The following CLIP1 variants were observed in gnomAD, a reference collection of about 807,000 sequenced individuals.
The protein encoded by CLIP1 is CAP-Gly domain-containing linker protein 1.
In CLIP1, 66 loss-of-function variants were observed where a neutral mutation model predicts 161.6. The ratio of observed to expected loss-of-function variants is 0.41; its 90% CI spans 0.33 to 0.50. The LOEUF is 0.50. CLIP1 is among the 20% of genes least tolerant of loss of function. CLIP1 has a pLI of 0.27. For missense variants in CLIP1, 1,376 were observed against 1,702.0 expected, an observed-to-expected ratio of 0.81 and a Z score of 3.37; for synonymous variants, 598 against 626.2, an observed-to-expected ratio of 0.96 and a Z score of 0.67.
intron 20 of CLIP1, among the ~76,000 whole-genome samples, chr12:122,294,083 C>G (rs1450247571): frequency 1.3e-5 from 2 of 151,854 alleles, no homozygotes; most frequent in African/African-American, 2.4e-5. Flanking sequence ...AATCCCAGCA[C>G]TTTGGGAGGC....
intron 20 of CLIP1, among the ~76,000 whole-genome samples, chr12:122,290,515 CTGTT>C (rs1487418252): frequency 5.9e-5 from 9 of 152,080 alleles, no homozygotes; most frequent in African/African-American, 9.7e-5. Context: ...AAGAAGGAAT[CTGTT>C]TTAGTTTTAT....
intron 19 of CLIP1, among the ~76,000 whole-genome samples, chr12:122,315,987 T>A (rs184865744): frequency 1.4e-3 from 219 of 152,060 alleles, no homozygotes; most frequent in African/African-American, 4.8e-3. Flanking sequence ...AGTGACATGC[T>A]ATTTGATTTT....
chr12:122,365,478 A>C (rs1954096958), intron 3 of CLIP1: 3 of 789,958 alleles, frequency 3.8e-6, no homozygotes, highest in African/African-American at 1.7e-5. Flanking sequence ...AAACGCGTGA[A>C]GGAAAATGAT....
chr12:122,394,013 CT>C (rs928979033), intron 1 of CLIP1, among the ~76,000 whole-genome samples: 3 of 150,950 alleles, frequency 2.0e-5, no homozygotes, highest in African/African-American at 7.3e-5. Context: ...CAGGGCAATG[CT>C]TTTAAAAGCA....
intron 1 of CLIP1, among the ~76,000 whole-genome samples, chr12:122,422,021 AG>A (rs1566258921): frequency 6.6e-6 from 1 of 152,144 alleles, no homozygotes; most frequent in Non-Finnish European, 1.5e-5. Context: ...AGGCCGGGCC[AG>A]GGTGCCCTCC....
chr12:122,401,891 G>A (rs1488241883), intron 1 of CLIP1, among the ~76,000 whole-genome samples: 1 of 152,026 alleles, frequency 6.6e-6, no homozygotes, highest in African/African-American at 2.4e-5. Context: ...CAGCTACTCG[G>A]GAGGCTGAGG....
chr12:122,299,267 A>G (rs987247189), intron 20 of CLIP1, among the ~76,000 whole-genome samples: 1 of 152,176 alleles, frequency 6.6e-6, no homozygotes, highest in Non-Finnish European at 1.5e-5. Flanking sequence ...TCTCTGTGCC[A>G]GGCAATGGCT....
chr12:122,391,542 C>T (rs1593230669), intron 1 of CLIP1, among the ~76,000 whole-genome samples: 1 of 152,128 alleles, frequency 6.6e-6, no homozygotes, highest in Non-Finnish European at 1.5e-5. Flanking sequence ...GCTGAGATCG[C>T]GCCATCGTAC....
intron 1 of CLIP1, among the ~76,000 whole-genome samples, chr12:122,389,758 C>CAAAAAAAAAAAAAAAAAAA (rs57168188): frequency 1.4e-5 from 1 of 69,314 alleles, no homozygotes; most frequent in Non-Finnish European, 2.6e-5. Flanking sequence ...GATCCTGTCT[C>CAAAAAAAAAAAAAAAAAAA]AAAAAAAAAA....
Position 122,316,840 on chromosome 12 carries a change from C to T in CLIP1, c.3382G>A (p.Glu1128Lys). The change falls in exon 19 of 26, where the codon GAA becomes AAA. Residue 1128 changes from glutamate (E) to lysine (K), a missense_variant. Physicochemically the swap from Glu to Lys is moderately conservative, Grantham distance 56. Around this residue, in one of 6 missense-constraint regions of CLIP1, gnomAD observed 948 missense variants for 1,134.8 expected, o/e 0.84. Coordinates refer to ENST00000620786, the MANE Select transcript of CLIP1 (RefSeq NM_001247997.2). The stretch of plus-strand genomic sequence containing the variant: ...TCTTCCACATTTTTCAAGTTGTTTT[C>T]TTTAAGTGTGTCCAACTTAAAGACC... Reference protein sequence around the residue: ...KLQNELDTLKENNLKNVEELN... With the variant: ...KLQNELDTLKKNNLKNVEELN... 6.4e-7 allele frequency: 1 copy of T among 1,572,672 alleles called. No homozygotes were observed. The highest frequency in any genetic ancestry group is 8.6e-7 in the Non-Finnish European group (1 of 1,161,600).
intron 1 of CLIP1, among the ~76,000 whole-genome samples, chr12:122,404,127 T>A (rs73405849): frequency 0.03 from 4,494 of 152,300 alleles, 163 homozygotes; most frequent in African/African-American, 0.083. Flanking sequence ...TTCCCAAAGC[T>A]TGGCCCTGAA....
chr12:122,302,203 C>T (rs565006808), intron 20 of CLIP1, among the ~76,000 whole-genome samples: 29 of 152,136 alleles, frequency 1.9e-4, no homozygotes, highest in Non-Finnish European at 3.5e-4. Flanking sequence ...TGGGTTCAGG[C>T]GATTCTCCTG....
At chr12:122,393,132 C>T (rs915950483) in intron 1 of CLIP1, among the ~76,000 whole-genome samples, 1 of 151,054 alleles carries the variant, frequency 6.6e-6, no homozygotes, top group African/African-American at 2.4e-5. Context: ...TATATTGTCC[C>T]TGTGGCTAAA....
chr12:122,353,987 T>C (rs1423295982), intron 7 of CLIP1, among the ~76,000 whole-genome samples: 3 of 152,134 alleles, frequency 2.0e-5, no homozygotes, highest in Non-Finnish European at 4.4e-5. Context: ...AAGCAGACGC[T>C]CTTCACACAG....
In CLIP1 at chr12:122,351,109, A is replaced by G; in HGVS notation, c.1401+2T>C. ...TATCCACACAGTTAAGTGCCCTCTT[A>G]CATTCTCAGGATCTTCAGAAATCTG... On this transcript the variant is annotated splice_donor_variant, in intron 9 of 25. Coordinates refer to ENST00000620786, the MANE Select transcript of CLIP1 (RefSeq NM_001247997.2). LOFTEE classifies it high-confidence loss of function. 6.5e-7 allele frequency: 1 copy of G among 1,537,602 alleles called. No homozygotes were observed. The highest frequency in any genetic ancestry group is 1.2e-5 in the South Asian group (1 of 80,728).
chr12:122,398,011 T>C (rs1418030851), intron 1 of CLIP1, among the ~76,000 whole-genome samples: 1 of 151,444 alleles, frequency 6.6e-6, no homozygotes, highest in Non-Finnish European at 1.5e-5. Context: ...CTGAAATAAG[T>C]GGGCTTATAT....
At chr12:122,353,760 A>G (rs1336255084) in intron 7 of CLIP1, among the ~76,000 whole-genome samples, 1 of 151,546 alleles carries the variant, frequency 6.6e-6, no homozygotes, top group Non-Finnish European at 1.5e-5. Flanking sequence ...CCTCCCAAGT[A>G]GCTGGGATTA....
Position 122,321,703 on chromosome 12 carries a change from G to A in CLIP1, c.3250-2355C>T, listed in dbSNP as rs11057515. Among the ~76,000 whole-genome samples the A allele has an allele frequency of 1.7e-4, 26 of 151,942 alleles. No individual in the cohort carries two copies. In the East Asian group the frequency reaches 3.3e-3, roughly 19 times the overall value. On this transcript the variant is annotated intron_variant, in intron 17 of 25. Coordinates refer to ENST00000620786, the MANE Select transcript of CLIP1 (RefSeq NM_001247997.2). ...CCAGCTAATTACTGTATTTTTTGTA[G>A]AGACAGGGTTTTGCCATGTTGCCCA... is the stretch of plus-strand genomic sequence containing the variant.
Position 122,380,517 on chromosome 12 carries a change from A to G in CLIP1, c.-65T>C. 1 of 1,001,966 alleles carries G rather than the reference A, an allele frequency of 1.0e-6. No homozygotes were observed. The highest frequency in any genetic ancestry group is 1.4e-5 in the South Asian group (1 of 73,784). The allele number at this position is 1,001,966 out of a possible 1,614,324, so 62.1% of individuals were successfully genotyped here. A position where few individuals can be genotyped will look rare whatever the true frequency, so the allele number is the denominator to read the frequency against. The stretch of plus-strand genomic sequence containing the variant: ...CCACTATCTTTCCCCAACCATTGAT[A>G]CAACTGTGGGTTCTATAGTGAAGTC... On this transcript the variant is annotated 5_prime_UTR_variant, in exon 2 of 26. Coordinates refer to ENST00000620786, the MANE Select transcript of CLIP1 (RefSeq NM_001247997.2).
Sources: allele counts gnomAD v4.1 joint callset (sites outside exome capture counted in the v4.1 genomes callset), GRCh38; gene constraint gnomAD v4.1.1; regional missense constraint gnomAD v4.1.1; transcripts MANE v1.5; gene names NCBI Gene and HGNC (gene_info 2026-07-23, HGNC 2026-07-21).